Variants in ZNF730 observed in about 807,000 individuals in gnomAD.
ZNF730 encodes putative zinc finger protein 730.
Under a neutral mutation model 12.6 loss-of-function variants are expected in ZNF730, and 12 were observed. The ratio of observed to expected loss-of-function variants is 0.95; its 90% CI spans 0.61 to 1.54. The LOEUF is 1.54. ZNF730 is among the 40% of genes most tolerant of loss of function. ZNF730 has a pLI of 0.00. For synonymous variants in ZNF730, 194 were observed against 195.8 expected, an observed-to-expected ratio of 0.99 and a Z score of 0.08; for missense variants, 643 against 583.5, an observed-to-expected ratio of 1.10 and a Z score of -1.05.
At position 23,145,466 on chromosome 19, in the gene ZNF730, A is replaced by G. The variant is rs1303470657; in HGVS notation, c.422A>G (p.His141Arg). 1.8e-5 allele frequency: 28 copies of G among 1,569,732 alleles called. No individual in the cohort carries two copies. The highest frequency in any genetic ancestry group is 2.3e-5 in the Non-Finnish European group (27 of 1,158,786). Residue 141 changes from histidine (H) to arginine (R), a missense_variant, in exon 4 of 4, where the codon CAT becomes CGT. By Grantham distance (29) the His-to-Arg change is conservative. Coordinates refer to ENST00000597761, the MANE Select transcript of ZNF730 (RefSeq NM_001277403.2). Reference protein sequence around the residue: ...NRHNQCLTTSHSKIFQCDKYV... With the variant: ...NRHNQCLTTSRSKIFQCDKYV... Reference sequence around the variant, plus strand: ...CATAACCAGTGTTTGACAACTTCCCATAGCAAAATATTTCAGTGTGACAAA... The same window carrying G: ...CATAACCAGTGTTTGACAACTTCCCGTAGCAAAATATTTCAGTGTGACAAA...
chr19:23,133,837 TTCA>T (rs1970779247), intron 1 of ZNF730, among the ~76,000 whole-genome samples: 1 of 152,130 alleles, frequency 6.6e-6, no homozygotes, highest in African/African-American at 2.4e-5. Context: ...CATGTCTTAC[TTCA>T]TCATCTGGAA....
intron 1 of ZNF730, among the ~76,000 whole-genome samples, chr19:23,097,662 T>C (rs995180047): frequency 3.3e-5 from 5 of 152,084 alleles, no homozygotes; most frequent in Non-Finnish European, 7.4e-5. Flanking sequence ...ATAGTAGAGA[T>C]TGTGAAAGAT....
At position 23,146,710 on chromosome 19, in the gene ZNF730, G is replaced by T; in HGVS notation, c.*154G>T. The T allele has an allele frequency of 7.1e-7, 1 of 1,401,064 alleles. No individual in the cohort carries two copies. The allele number at this position is 1,401,064 out of a possible 1,614,324, so 86.8% of individuals were successfully genotyped here. On this transcript the variant is annotated 3_prime_UTR_variant, in exon 4 of 4. Coordinates refer to ENST00000597761, the MANE Select transcript of ZNF730 (RefSeq NM_001277403.2). The stretch of plus-strand genomic sequence containing the variant: ...TACTAAACATAAGGTAATTCATACT[G>T]GAGAAAAACCTACAAATGTGAAGAA...
intron 1 of ZNF730, among the ~76,000 whole-genome samples, chr19:23,094,729 C>G (rs1480010380): frequency 2.0e-5 from 3 of 152,164 alleles, no homozygotes; most frequent in Non-Finnish European, 4.4e-5. Flanking sequence ...CCACCTCGGC[C>G]TCCCAGAGTG....
Position 23,146,248 on chromosome 19 carries a change from G to T in ZNF730, c.1204G>T (p.Gly402Cys), listed in dbSNP as rs775178067. ...GAAATTTTACAAATGTGAAGAATGT[G>T]GCAAAGCCTTTAGCCGTATCTCACA... ...VEKFYKCEEC[G>C]KAFSRISHLT... The change falls in exon 4 of 4, where the codon GGC (glycine) becomes TGC (cysteine). Residue 402 changes from glycine to cysteine, a missense_variant. Transcript: ENST00000597761. 2 of 1,613,428 alleles carry T rather than the reference G, an allele frequency of 1.2e-6. No individual in the cohort carries two copies. The highest frequency in any genetic ancestry group is 4.5e-5 in the East Asian group (2 of 44,836).
intron 1 of ZNF730, among the ~76,000 whole-genome samples, chr19:23,099,290 G>T (rs1036227220): frequency 6.6e-6 from 1 of 151,962 alleles, no homozygotes; most frequent in African/African-American, 2.4e-5. Context: ...ACTTAGAGCC[G>T]CATAAGATCA....
intron 1 of ZNF730, among the ~76,000 whole-genome samples, chr19:23,080,825 T>G (rs1474132493): frequency 6.6e-6 from 1 of 151,036 alleles, no homozygotes; most frequent in African/African-American, 2.4e-5. Context: ...TCTTTTTTTC[T>G]GTTTTGTTTC....
intron 1 of ZNF730, among the ~76,000 whole-genome samples, chr19:23,131,541 T>C (rs1390811387): frequency 6.6e-6 from 1 of 152,222 alleles, no homozygotes; most frequent in Non-Finnish European, 1.5e-5. Flanking sequence ...CTGTAAACTT[T>C]AAAAAAGCCA....
At chr19:23,093,131 T>G (rs1599572966) in intron 1 of ZNF730, among the ~76,000 whole-genome samples, 1 of 152,124 alleles carries the variant, frequency 6.6e-6, no homozygotes, top group East Asian at 1.9e-4. Context: ...CACACGCCAC[T>G]AGGCCCAGCT....
At chr19:23,143,987 TTTC>T (rs1191189538) in intron 3 of ZNF730, 2 of 152,254 alleles carry the variant, frequency 1.3e-5, no homozygotes, top group East Asian at 1.9e-4. Flanking sequence ...TCAGGTATTA[TTTC>T]TTCTTGTATT....
At chr19:23,101,135 A>G (rs149343444) in intron 1 of ZNF730, among the ~76,000 whole-genome samples, 6 of 152,340 alleles carry the variant, frequency 3.9e-5, no homozygotes, top group African/African-American at 1.4e-4. Flanking sequence ...TAAATCATCA[A>G]GTGAAACTAT....
chr19:23,084,859 A>G (rs1034974260), intron 1 of ZNF730, among the ~76,000 whole-genome samples: 1 of 152,170 alleles, frequency 6.6e-6, no homozygotes, highest in South Asian at 2.1e-4. Flanking sequence ...TATCCAGTCT[A>G]TCATTAATGG....
chr19:23,145,935 A>C lies in ZNF730; in HGVS notation c.891A>C (p.Ser297=), dbSNP rs777660925. The change falls in exon 4 of 4, where the codon TCA becomes TCC. Residue 297 remains serine, a synonymous_variant. Coordinates refer to ENST00000597761, the MANE Select transcript of ZNF730 (RefSeq NM_001277403.2). ...EECGKAFNQS[S]NLTEHKKIHT... ...GTGGCAAAGCCTTTAACCAGTCCTC[A>C]AACCTTACTGAACATAAGAAAATTC... is the stretch of plus-strand genomic sequence containing the variant. The C allele has an allele frequency of 3.1e-6, 5 of 1,609,590 alleles. No homozygotes were observed. In the African/African-American group the frequency reaches 6.7e-5, roughly 22 times the overall value.
In ZNF730 at chr19:23,145,762, T is replaced by A; in HGVS notation, c.718T>A (p.Phe240Ile). Residue 240 changes from phenylalanine to isoleucine, a missense_variant, in exon 4 of 4, where the codon TTT becomes ATT. Phe to Ile is a conservative substitution (Grantham distance 21). Coordinates refer to ENST00000597761, the MANE Select transcript of ZNF730 (RefSeq NM_001277403.2). ...AGAATGTGGCAAAGCCTTTAACTGGTTTTCACATTTTACTACACATAAGAG... is the reference window on the plus strand; with the variant it reads ...AGAATGTGGCAAAGCCTTTAACTGGATTTCACATTTTACTACACATAAGAG... ...CKECGKAFNWFSHFTTHKRIH... is the reference protein window; with the variant it reads ...CKECGKAFNWISHFTTHKRIH... 6.4e-7 allele frequency: 1 copy of A among 1,569,836 alleles called. No individual in the cohort carries two copies. Among genetic ancestry groups the A allele is most frequent in the African/African-American group, 1.4e-5 (1 of 73,448 alleles).
chr19:23,097,948 G>A (rs2145517058), intron 1 of ZNF730, among the ~76,000 whole-genome samples: 1 of 152,188 alleles, frequency 6.6e-6, no homozygotes, highest in Admixed American at 6.5e-5. Context: ...AGACCAGCCT[G>A]GCCAACATGG....
intron 2 of ZNF730, among the ~76,000 whole-genome samples, chr19:23,135,243 A>T (rs1480085742): frequency 2.3e-5 from 3 of 129,742 alleles, no homozygotes; most frequent in East Asian, 2.2e-4. Context: ...AAAAAAAAAA[A>T]AAAAAAAAAA....
rs769567940 is a variant in ZNF730 at position 23,136,023 on chromosome 19, A to G, written c.206A>G (p.Asp69Gly). 5.0e-6 allele frequency: 8 copies of G among 1,605,672 alleles called. No individual in the cohort carries two copies. Among genetic ancestry groups the G allele is most frequent in the Non-Finnish European group, 6.8e-6 (8 of 1,175,750 alleles). The change falls in exon 3 of 4, where the codon GAT (aspartate) becomes GGT (glycine). Residue 69 changes from aspartate to glycine, a missense_variant. By Grantham distance (94) the Asp-to-Gly change is moderately conservative (BLOSUM62 -1). Coordinates refer to ENST00000597761, the MANE Select transcript of ZNF730 (RefSeq NM_001277403.2). ...GAGCCTTGGAATTTGAAGACACATG[A>G]TATGGTAGCCAAACCCCCAGGTAGG... Reference protein sequence around the residue: ...EKEPWNLKTHDMVAKPPVICS... With the variant: ...EKEPWNLKTHGMVAKPPVICS...
intron 1 of ZNF730, among the ~76,000 whole-genome samples, chr19:23,118,743 C>T (rs2145599892): frequency 6.6e-6 from 1 of 152,280 alleles, no homozygotes; most frequent in East Asian, 1.9e-4. Context: ...GTGATTTCTG[C>T]CCCTCGGATT....
intron 2 of ZNF730, among the ~76,000 whole-genome samples, chr19:23,135,034 G>C (rs571525920): frequency 4.2e-5 from 5 of 120,262 alleles, no homozygotes; most frequent in Admixed American, 9.3e-5. Context: ...CAGCATGCTC[G>C]TTAAGAGTCA....
Sources: allele counts gnomAD v4.1 joint callset (sites outside exome capture counted in the v4.1 genomes callset), GRCh38; gene constraint gnomAD v4.1.1; transcripts MANE v1.5; gene names NCBI Gene and HGNC (gene_info 2026-07-23, HGNC 2026-07-21).